The following FSTL5 variants were observed in gnomAD, a reference collection of about 807,000 sequenced individuals.
FSTL5 encodes follistatin like 5.
A neutral mutation model predicts 89.1 loss-of-function variants in FSTL5; 62 were observed. That is an observed-to-expected ratio of 0.70 (90% CI 0.57 to 0.86). The LOEUF (loss-of-function observed/expected upper bound fraction) is 0.86, where lower values mean the gene tolerates loss of function less well. Among genes scored for constraint, FSTL5 ranks in the 40% least tolerant of loss-of-function variants. The pLI is 0.00. For synonymous variants in FSTL5, 383 were observed against 346.2 expected, an observed-to-expected ratio of 1.11 and a Z score of -1.18; for missense variants, 1,057 against 1,001.6, an observed-to-expected ratio of 1.06 and a Z score of -0.75.
chr4:161,930,455 T>C (rs1734254981), intron 3 of FSTL5, among the ~76,000 whole-genome samples: 2 of 151,930 alleles, frequency 1.3e-5, no homozygotes, highest in Admixed American at 6.6e-5. Context: ...TGCAAAGCAC[T>C]ATGCTTCCAT....
At chr4:161,698,753 C>A (rs1483624974) in intron 6 of FSTL5, among the ~76,000 whole-genome samples, 1 of 152,084 alleles carries the variant, frequency 6.6e-6, no homozygotes, top group East Asian at 1.9e-4. Context: ...CGTGGTGAAA[C>A]CCTGTCTCTA....
intron 3 of FSTL5, among the ~76,000 whole-genome samples, chr4:161,991,279 C>T (rs906940856): frequency 1.3e-5 from 2 of 152,136 alleles, no homozygotes; most frequent in Non-Finnish European, 2.9e-5. Flanking sequence ...TCTGAAACGA[C>T]TGAACTTGAA....
intron 6 of FSTL5, among the ~76,000 whole-genome samples, chr4:161,726,089 G>A (rs1209650283): frequency 6.6e-6 from 1 of 151,888 alleles, no homozygotes; most frequent in Non-Finnish European, 1.5e-5. Flanking sequence ...CAAGCTATCT[G>A]GTTCTACAGT....
chr4:162,068,139 T>C (rs552101141), intron 2 of FSTL5, among the ~76,000 whole-genome samples: 54 of 152,228 alleles, frequency 3.5e-4, no homozygotes, highest in African/African-American at 1.3e-3. Context: ...AAGTAGTTTA[T>C]AGATTCAATG....
At chr4:161,456,384 GTC>G (rs931068333) in intron 14 of FSTL5, among the ~76,000 whole-genome samples, 28 of 152,196 alleles carry the variant, frequency 1.8e-4, no homozygotes, top group African/African-American at 6.3e-4. Flanking sequence ...ATGACACCTA[GTC>G]TCTATTAATT....
chr4:161,675,352 T>C (rs552268468), intron 6 of FSTL5, among the ~76,000 whole-genome samples: 1 of 151,846 alleles, frequency 6.6e-6, no homozygotes, highest in South Asian at 2.1e-4. Flanking sequence ...GCTTATATTC[T>C]ATTTATTTTC....
intron 1 of FSTL5, among the ~76,000 whole-genome samples, chr4:162,115,409 A>C (rs2111418249): frequency 6.6e-6 from 1 of 152,292 alleles, no homozygotes; most frequent in East Asian, 1.9e-4. Flanking sequence ...GTAAATCAGC[A>C]GTAATCGATC....
intron 7 of FSTL5, among the ~76,000 whole-genome samples, chr4:161,588,444 C>A (rs1374221664): frequency 6.6e-6 from 1 of 151,804 alleles, no homozygotes; most frequent in Non-Finnish European, 1.5e-5. Context: ...AATACAATAA[C>A]CATACCACTT....
At chr4:161,641,615 C>T (rs554879933) in intron 7 of FSTL5, among the ~76,000 whole-genome samples, 2 of 151,916 alleles carry the variant, frequency 1.3e-5, no homozygotes, top group Admixed American at 6.5e-5. Context: ...CCTCAGCCTC[C>T]CAAGTAGCTG....
chr4:161,577,116 T>C (rs1236035072), intron 8 of FSTL5, among the ~76,000 whole-genome samples: 1 of 152,172 alleles, frequency 6.6e-6, no homozygotes, highest in Non-Finnish European at 1.5e-5. Context: ...TTCTAGTGAG[T>C]ATTTGCCATG....
intron 15 of FSTL5, among the ~76,000 whole-genome samples, chr4:161,427,489 T>G (rs1401077603): frequency 1.3e-5 from 2 of 152,192 alleles, no homozygotes; most frequent in East Asian, 3.9e-4. Context: ...TGCTAAGTAT[T>G]CCTTAGACTC....
rs888008647 is a variant in FSTL5 at position 161,994,408 on chromosome 4, T to C, written c.160+39217A>G. Among the ~76,000 whole-genome samples the C allele has an allele frequency of 5.3e-5, 8 of 152,228 alleles. No homozygotes were observed. In the South Asian group the frequency reaches 1.0e-3, roughly 20 times the overall value. ...TCTGGGTATGCACCCCATATTGGGATTGCTGGGTCGAATGGCAGTTCTGCT... is the reference window on the plus strand; with the variant it reads ...TCTGGGTATGCACCCCATATTGGGACTGCTGGGTCGAATGGCAGTTCTGCT... On this transcript the variant is annotated intron_variant, in intron 3 of 15. Coordinates refer to ENST00000306100, the MANE Select transcript of FSTL5 (RefSeq NM_020116.5).
At chr4:161,910,773 A>T (rs1045100456) in intron 4 of FSTL5, among the ~76,000 whole-genome samples, 5 of 152,134 alleles carry the variant, frequency 3.3e-5, no homozygotes, top group Non-Finnish European at 7.4e-5. Flanking sequence ...TTCTAATGTA[A>T]TCTAAACATA....
intron 1 of FSTL5, among the ~76,000 whole-genome samples, chr4:162,158,418 A>T (rs1043626092): frequency 6.6e-6 from 1 of 152,138 alleles, no homozygotes; most frequent in Non-Finnish European, 1.5e-5. Context: ...AAGTGTGTAT[A>T]CTAAAGAATA....
intron 14 of FSTL5, among the ~76,000 whole-genome samples, chr4:161,455,872 A>G (rs1019644758): frequency 1.1e-4 from 17 of 152,002 alleles, no homozygotes; most frequent in Admixed American, 1.1e-3. Flanking sequence ...TACTTTATCC[A>G]CTTTTAAATA....
intron 3 of FSTL5, among the ~76,000 whole-genome samples, chr4:162,024,464 C>A (rs1021060804): frequency 5.3e-5 from 8 of 152,138 alleles, no homozygotes; most frequent in Non-Finnish European, 8.8e-5. Flanking sequence ...CCTTCATTAT[C>A]TGATGCAGCT....
At chr4:162,140,613 G>T (rs1453145997) in intron 1 of FSTL5, among the ~76,000 whole-genome samples, 1 of 148,960 alleles carries the variant, frequency 6.7e-6, no homozygotes, top group Non-Finnish European at 1.5e-5. Flanking sequence ...GAGTGAAATT[G>T]CCTGACTTAG....
At chr4:161,841,235 A>G (rs138006841) in intron 4 of FSTL5, among the ~76,000 whole-genome samples, 44 of 152,298 alleles carry the variant, frequency 2.9e-4, no homozygotes, top group Non-Finnish European at 4.3e-4. Flanking sequence ...AATCTGATTG[A>G]TTCACCTCTT....
intron 11 of FSTL5, among the ~76,000 whole-genome samples, chr4:161,508,933 A>G (rs1234039082): frequency 6.6e-6 from 1 of 152,214 alleles, no homozygotes; most frequent in Non-Finnish European, 1.5e-5. Context: ...GTTAAGTGTT[A>G]TTCCTTCCAT....
Sources: allele counts gnomAD v4.1 joint callset (sites outside exome capture counted in the v4.1 genomes callset), GRCh38; gene constraint gnomAD v4.1.1; transcripts MANE v1.5; gene names NCBI Gene and HGNC (gene_info 2026-07-23, HGNC 2026-07-21).